TFEC: variants seen among roughly 807,000 people sequenced by gnomAD.
The protein encoded by TFEC is class E basic helix-loop-helix protein 34.
In TFEC, 31 loss-of-function variants were observed where a neutral mutation model predicts 41.6. The ratio of observed to expected loss-of-function variants is 0.74; its 90% CI spans 0.56 to 1.01. TFEC has a LOEUF of 1.01. Among genes scored for constraint, TFEC ranks in the 50% least tolerant of loss-of-function variants. The probability of loss-of-function intolerance (pLI) is 0.00; values close to 1 mark genes in which losing one functional copy is unlikely to be tolerated. For synonymous variants in TFEC, 143 were observed against 140.6 expected, an observed-to-expected ratio of 1.02 and a Z score of -0.12; for missense variants, 402 against 404.1, an observed-to-expected ratio of 0.99 and a Z score of 0.04.
intron 3 of TFEC, among the ~76,000 whole-genome samples, chr7:116,065,272 T>C (rs181265574): frequency 6.7e-4 from 102 of 152,238 alleles, no homozygotes; most frequent in Admixed American, 1.4e-3. Context: ...AACCTCTGAT[T>C]CTTAAATATG....
intron 1 of TFEC, among the ~76,000 whole-genome samples, chr7:116,117,886 T>C (rs534009905): frequency 6.6e-6 from 1 of 151,978 alleles, no homozygotes; most frequent in Non-Finnish European, 1.5e-5. Context: ...AGAACATTGC[T>C]CTAAAATATG....
chr7:116,123,997 T>C (rs371753192), intron 1 of TFEC, among the ~76,000 whole-genome samples: 57 of 152,254 alleles, frequency 3.7e-4, no homozygotes, highest in African/African-American at 1.3e-3. Context: ...TAAAGGACTT[T>C]TAGTTGTCTA....
intron 7 of TFEC, 83 bp downstream of exon 7, chr7:115,941,810 A>C: frequency 6.7e-7 from 1 of 1,489,898 alleles, no homozygotes; most frequent in African/African-American, 1.4e-5. Context: ...TAAGAGAAAA[A>C]ATAAATGAGA....
chr7:115,954,529 C>T lies in TFEC; in HGVS notation c.439+57G>A, dbSNP rs1562886722. On this transcript the variant is annotated intron_variant, in intron 5 of 7. Transcript: ENST00000265440. ...TGGAGTATAATAAAAGACCACACAC[C>T]TTAACCTCTATGCATTTCCTTTTGC... 8.2e-6 allele frequency: 12 copies of T among 1,471,956 alleles called. 1 individual carries two copies. The East Asian group carries it at 9.3e-5, about 11-fold the overall frequency. 91.2% of individuals were successfully genotyped at this position (1,471,956 alleles called of 1,614,324 possible). A position where few individuals can be genotyped will look rare whatever the true frequency, so the allele number is the denominator to read the frequency against.
chr7:116,133,040 ATTACAG>A, intron 1 of TFEC, among the ~76,000 whole-genome samples: 1 of 152,354 alleles, frequency 6.6e-6, no homozygotes, highest in East Asian at 1.9e-4. Context: ...AAAATAAATT[ATTACAG>A]TGCTTAAAAA....
chr7:116,097,943 A>G (rs1797506509), intron 3 of TFEC, among the ~76,000 whole-genome samples: 1 of 152,352 alleles, frequency 6.6e-6, no homozygotes, highest in Middle Eastern at 3.4e-3. Context: ...AATGAGAAAC[A>G]GAGTGAGTGA....
intron 1 of TFEC, among the ~76,000 whole-genome samples, chr7:116,120,827 ACT>A (rs1798093609): frequency 6.6e-6 from 1 of 151,906 alleles, no homozygotes; most frequent in Non-Finnish European, 1.5e-5. Flanking sequence ...TATCTAAATA[ACT>A]CTGTCTTTGG....
chr7:116,134,133 G>C (rs973835480), intron 1 of TFEC, among the ~76,000 whole-genome samples: 3 of 152,104 alleles, frequency 2.0e-5, no homozygotes, highest in Non-Finnish European at 2.9e-5. Flanking sequence ...TTATGAATAA[G>C]AATATTTAAG....
intron 1 of TFEC, among the ~76,000 whole-genome samples, chr7:116,022,209 G>C (rs1359361093): frequency 6.6e-6 from 1 of 152,200 alleles, no homozygotes; most frequent in Admixed American, 6.5e-5. Flanking sequence ...TGGAGGGTTT[G>C]ATGACATTGA....
chr7:115,998,352 T>A, intron 1 of TFEC, among the ~76,000 whole-genome samples: 1 of 150,862 alleles, frequency 6.6e-6, no homozygotes, highest in Non-Finnish European at 1.5e-5. Context: ...AGCAAGAAAT[T>A]AAAACATACC....
chr7:116,111,514 A>T (rs1797855119), intron 2 of TFEC, among the ~76,000 whole-genome samples: 1 of 152,048 alleles, frequency 6.6e-6, no homozygotes. Context: ...AAATAGGAAC[A>T]ACTGTCACAC....
At position 115,939,948 on chromosome 7, in the gene TFEC, G is replaced by GT. The variant is rs1308180023; in HGVS notation, c.*602dup. 6.6e-6 allele frequency: 1 copy of GT among 151,932 alleles called. No individual in the cohort carries two copies. The highest frequency in any genetic ancestry group is 2.4e-5 in the African/African-American group (1 of 41,380). 9.4% of individuals were successfully genotyped at this position (151,932 alleles called of 1,614,324 possible). ...TGAGGATCTAATTTTAGTAACCAAT[G>GT]TTTTTATAAGTTATCCATATTTTAT... On this transcript the variant is annotated 3_prime_UTR_variant, in exon 8 of 8. Transcript: ENST00000265440.
At chr7:116,104,522 C>T (rs1797672816) in intron 3 of TFEC, among the ~76,000 whole-genome samples, 1 of 152,058 alleles carries the variant, frequency 6.6e-6, no homozygotes. Flanking sequence ...TGCTCAAGTC[C>T]GAACCATGCA....
chr7:115,986,401 G>T (rs1793857679), intron 1 of TFEC, among the ~76,000 whole-genome samples: 1 of 152,076 alleles, frequency 6.6e-6, no homozygotes, highest in African/African-American at 2.4e-5. Context: ...GCTAGTGAGA[G>T]AAAGAAGTGG....
chr7:116,095,511 T>G (rs1343456162), intron 3 of TFEC, among the ~76,000 whole-genome samples: 1 of 152,198 alleles, frequency 6.6e-6, no homozygotes, highest in Admixed American at 6.5e-5. Context: ...ATGTGACTAA[T>G]ACAAATGCTG....
At chr7:116,092,840 A>G (rs1222793826) in intron 3 of TFEC, among the ~76,000 whole-genome samples, 1 of 152,144 alleles carries the variant, frequency 6.6e-6, no homozygotes, top group African/African-American at 2.4e-5. Context: ...GCCAGATTAG[A>G]TCTCTAATCC....
At chr7:116,065,966 T>C (rs1198411331) in intron 3 of TFEC, among the ~76,000 whole-genome samples, 1 of 151,988 alleles carries the variant, frequency 6.6e-6, no homozygotes, top group Non-Finnish European at 1.5e-5. Context: ...TGCAACCCGA[T>C]TGAGGTTATT....
At chr7:116,011,463 T>A (rs1241619925) in intron 1 of TFEC, among the ~76,000 whole-genome samples, 1 of 152,126 alleles carries the variant, frequency 6.6e-6, no homozygotes, top group Non-Finnish European at 1.5e-5. Context: ...TTATAGTATA[T>A]CAAAAATTAA....
chr7:116,156,946 T>A lies in TFEC; in HGVS notation c.-69+2844A>T, dbSNP rs150545251. ...TAGCTTAAGTTGACCTTATTGATAC[T>A]TTTTTTGTCTTACCTTTTGTTTAAT... On this transcript the variant is annotated intron_variant, in intron 1 of 8. Coordinates refer to the TFEC transcript ENST00000484212. 2.0e-3 allele frequency among the ~76,000 whole-genome samples: 297 copies of A among 152,274 alleles called. 2 individuals carry two copies. The highest frequency in any genetic ancestry group is 5.0e-3 in the African/African-American group (209 of 41,548).
Sources: gnomAD v4.1 joint callset for allele counts (sites outside exome capture counted in the v4.1 genomes callset) on GRCh38, gnomAD v4.1.1 for gene constraint, MANE v1.5 for transcripts, NCBI Gene and HGNC (gene_info 2026-07-23, HGNC 2026-07-21) for gene names.